Variants in GPC5 observed in about 807,000 individuals in gnomAD.
GPC5 encodes glypican 5.
GPC5 carries 47 observed loss-of-function variants against 53.9 expected under a neutral mutation model. That is an observed-to-expected ratio of 0.87 (90% CI 0.69 to 1.11). GPC5 has a LOEUF of 1.11. GPC5 is among the 50% of genes most tolerant of loss of function. The pLI, the probability that GPC5 is intolerant of heterozygous loss-of-function variation, is 0.00. For missense variants in GPC5, 748 were observed against 713.1 expected (o/e 1.05, Z -0.56); for synonymous variants, 286 against 263.3 (o/e 1.09, Z -0.84).
chr13:92,680,993 T>A (rs1566361106), intron 7 of GPC5, among the ~76,000 whole-genome samples: 1 of 152,018 alleles, frequency 6.6e-6, no homozygotes. Context: ...CTGGTCAGCA[T>A]CCAACCAGAT....
At chr13:91,830,824 A>AAT (rs1555289390) in intron 5 of GPC5, among the ~76,000 whole-genome samples, 2 of 137,074 alleles carry the variant, frequency 1.5e-5, no homozygotes, top group Admixed American at 7.8e-5. Flanking sequence ...TATTATATAT[A>AAT]ATATATATCC....
chr13:91,810,387 C>A (rs1186694961), intron 5 of GPC5, among the ~76,000 whole-genome samples: 1 of 151,876 alleles, frequency 6.6e-6, no homozygotes, highest in African/African-American at 2.4e-5. Flanking sequence ...AGTCATAATA[C>A]CTTATGTTAT....
At chr13:92,698,560 CT>C (rs2139245179) in intron 7 of GPC5, among the ~76,000 whole-genome samples, 1 of 152,258 alleles carries the variant, frequency 6.6e-6, no homozygotes, top group East Asian at 1.9e-4. Context: ...TTAATCCAGT[CT>C]ATCATTTTGA....
chr13:92,160,784 A>G (rs540126401), intron 7 of GPC5, among the ~76,000 whole-genome samples: 2 of 152,340 alleles, frequency 1.3e-5, no homozygotes, highest in Admixed American at 6.5e-5. Context: ...AATGAATAAT[A>G]AAAAGCAAAT....
intron 7 of GPC5, among the ~76,000 whole-genome samples, chr13:92,840,489 T>G (rs908245115): frequency 6.6e-6 from 1 of 152,122 alleles, no homozygotes; most frequent in Admixed American, 6.6e-5. Context: ...AGGACTACAC[T>G]GTTTAGATTA....
chr13:92,765,603 C>A (rs549326347), intron 7 of GPC5, among the ~76,000 whole-genome samples: 1 of 152,302 alleles, frequency 6.6e-6, no homozygotes, highest in East Asian at 1.9e-4. Context: ...TCAGCATGTG[C>A]TGCCAGGACT....
chr13:92,091,268 A>G (rs1326616805), intron 6 of GPC5, among the ~76,000 whole-genome samples: 2 of 152,116 alleles, frequency 1.3e-5, no homozygotes, highest in African/African-American at 2.4e-5. Context: ...TTTAAGTGAT[A>G]ATTTTCTCAT....
intron 7 of GPC5, among the ~76,000 whole-genome samples, chr13:92,600,645 C>T (rs916962800): frequency 2.7e-5 from 4 of 147,894 alleles, no homozygotes; most frequent in African/African-American, 1.0e-4. Flanking sequence ...TTACAGGACC[C>T]CATCACCACA....
chr13:92,273,720 C>A (rs61966604), intron 7 of GPC5, among the ~76,000 whole-genome samples: 4 of 151,966 alleles, frequency 2.6e-5, no homozygotes, highest in Non-Finnish European at 4.4e-5. Flanking sequence ...GAAGCTCAAA[C>A]GTCTACTCTG....
intron 3 of GPC5, among the ~76,000 whole-genome samples, chr13:91,698,660 A>G (rs1233078487): frequency 4.6e-5 from 7 of 152,228 alleles, no homozygotes; most frequent in Non-Finnish European, 4.4e-5. Context: ...CTCAGTCTCC[A>G]AAGTAACCTA....
Position 92,075,053 on chromosome 13 carries a change from T to C in GPC5, c.1402-69777T>C, listed in dbSNP as rs551383834. Among the ~76,000 whole-genome samples the C allele has an allele frequency of 3.3e-5, 5 of 152,330 alleles. No homozygotes were observed. The South Asian group carries it at 6.2e-4, about 19-fold the overall frequency. Reference sequence around the variant, plus strand: ...ATAGGTTATAAAAATTTTGTGCATATGCCTGTTTTGAAATTTTTTTCTTAT... The same window carrying C: ...ATAGGTTATAAAAATTTTGTGCATACGCCTGTTTTGAAATTTTTTTCTTAT... On this transcript the variant is annotated intron_variant, in intron 6 of 7. Coordinates refer to ENST00000377067, the MANE Select transcript of GPC5 (RefSeq NM_004466.6).
chr13:92,584,783 G>A (rs781014801), intron 7 of GPC5, among the ~76,000 whole-genome samples: 8 of 152,076 alleles, frequency 5.3e-5, no homozygotes, highest in Non-Finnish European at 1.0e-4. Flanking sequence ...GTGGCATGCA[G>A]TCTAGGAACT....
chr13:92,008,770 C>T (rs2040633778), intron 6 of GPC5, among the ~76,000 whole-genome samples: 1 of 152,024 alleles, frequency 6.6e-6, no homozygotes, highest in Non-Finnish European at 1.5e-5. Flanking sequence ...TTTTCTGCTC[C>T]CCTTTCTCCC....
chr13:92,194,560 C>T (rs996841379), intron 7 of GPC5, among the ~76,000 whole-genome samples: 1 of 152,200 alleles, frequency 6.6e-6, no homozygotes, highest in African/African-American at 2.4e-5. Context: ...TTGCATATTT[C>T]CTCACTGAAA....
chr13:92,184,140 G>C (rs1392504723), intron 7 of GPC5, among the ~76,000 whole-genome samples: 1 of 151,702 alleles, frequency 6.6e-6, no homozygotes, highest in Non-Finnish European at 1.5e-5. Flanking sequence ...TTCATCTTTG[G>C]TTTGGCTTTT....
At chr13:92,719,508 T>C (rs1888440928) in intron 7 of GPC5, among the ~76,000 whole-genome samples, 1 of 152,196 alleles carries the variant, frequency 6.6e-6, no homozygotes, top group African/African-American at 2.4e-5. Context: ...TTAAAGGATC[T>C]AAACATAAAT....
chr13:92,844,699 G>A (rs146567245), intron 7 of GPC5, among the ~76,000 whole-genome samples: 3 of 151,946 alleles, frequency 2.0e-5, no homozygotes, highest in East Asian at 1.9e-4. Flanking sequence ...TATTCACTTC[G>A]TATTTTGGAA....
intron 7 of GPC5, among the ~76,000 whole-genome samples, chr13:92,563,531 T>C (rs886484810): frequency 2.0e-5 from 3 of 152,048 alleles, no homozygotes; most frequent in African/African-American, 7.2e-5. Context: ...CATGAATATA[T>C]GCTAGACTAA....
intron 6 of GPC5, among the ~76,000 whole-genome samples, chr13:92,031,999 A>T (rs1188851616): frequency 1.5e-5 from 2 of 131,658 alleles, no homozygotes; most frequent in Non-Finnish European, 3.1e-5. Context: ...ATATACAAAT[A>T]ATTGTATATA....
Sources: allele counts gnomAD v4.1 joint callset (sites outside exome capture counted in the v4.1 genomes callset), GRCh38; gene constraint gnomAD v4.1.1; transcripts MANE v1.5; gene names NCBI Gene and HGNC (gene_info 2026-07-23, HGNC 2026-07-21).